Variants in CEACAM21 observed in about 807,000 individuals in gnomAD.
CEACAM21 encodes cell adhesion molecule CEACAM21.
In CEACAM21, 38 loss-of-function variants were observed where a neutral mutation model predicts 33.2. That is an observed-to-expected ratio of 1.14 (90% CI 0.88 to 1.50). The LOEUF is 1.50. Among genes scored for constraint, CEACAM21 ranks in the 40% most tolerant of loss-of-function variants. CEACAM21 has a pLI of 0.00. For missense variants in CEACAM21, 385 were observed against 364.6 expected (o/e 1.06, Z -0.46); for synonymous variants, 156 against 143.0 (o/e 1.09, Z -0.65).
chr19:41,579,724 T>G, intron 3 of CEACAM21, 96 bp downstream of exon 3: 23 of 848,950 alleles, frequency 2.7e-5, no homozygotes, highest in Non-Finnish European at 3.6e-5. Context: ...AAGGATGAGA[T>G]TCCTTCAGAG....
intron 3 of CEACAM21, among the ~76,000 whole-genome samples, chr19:41,582,259 T>C (rs2043453285): frequency 6.6e-6 from 1 of 152,228 alleles, no homozygotes; most frequent in African/African-American, 2.4e-5. Flanking sequence ...CCCATAGCCT[T>C]GGGCTCCACC....
At chr19:41,555,082 C>T (rs2041455193) in intron 1 of CEACAM21, 1 of 152,020 alleles carries the variant, frequency 6.6e-6, no homozygotes, top group African/African-American at 2.4e-5. Context: ...GAACCCTGCC[C>T]TGTCTGCCTA....
intron 1 of CEACAM21, among the ~76,000 whole-genome samples, chr19:41,564,242 T>C (rs2042098090): frequency 6.6e-6 from 1 of 152,144 alleles, no homozygotes; most frequent in Non-Finnish European, 1.5e-5. Flanking sequence ...CACCTCCTGC[T>C]TAAAACCCAA....
rs550640396 is a variant in CEACAM21, at chr19:41,568,250, C to CA, written c.-404+3194_-404+3195insA. On this transcript the variant is annotated intron_variant, in intron 2 of 7. Coordinates refer to the CEACAM21 transcript ENST00000407170. ...TAGGTTGTCTCTTTGCTCTGCTGGCCTTTTTTTTCTTTGCTGTATAAAAGC... is the reference window on the plus strand; with the variant it reads ...TAGGTTGTCTCTTTGCTCTGCTGGCCATTTTTTTTCTTTGCTGTATAAAAGC... 4.2e-3 allele frequency among the ~76,000 whole-genome samples: 635 copies of CA among 151,760 alleles called. 5 individuals are homozygous for CA. Among genetic ancestry groups the CA allele is most frequent in the African/African-American group, 0.01 (426 of 41,382 alleles).
chr19:41,576,221 T>G lies in CEACAM21; in HGVS notation c.-54T>G. 6.2e-7 allele frequency: 1 copy of G among 1,602,452 alleles called. No homozygotes were observed. Among genetic ancestry groups the G allele is most frequent in the South Asian group, 1.1e-5 (1 of 90,840 alleles). ...GTCACAGTAACCCTGTCTAGAGCGT[T>G]CCTGGAGCCCAAGCTCCTCTCCACA... On this transcript the variant is annotated 5_prime_UTR_variant, in exon 1 of 7. Transcript: ENST00000401445.
rs1000141865 is a variant in CEACAM21 at position 41,584,189 on chromosome 19, C to T, written c.701-158C>T. ...TAAGACACAGAAAATGGTGCAACCA[C>T]GGAGAGCAAGGGAGCCAGCTATGAG... On this transcript the variant is annotated intron_variant, in intron 3 of 6. Coordinates refer to ENST00000401445, the MANE Select transcript of CEACAM21 (RefSeq NM_001098506.4). Among the ~76,000 whole-genome samples the T allele has an allele frequency of 1.1e-4, 17 of 152,258 alleles. No homozygotes were observed. In the South Asian group the frequency reaches 1.5e-3, roughly 13 times the overall value.
intron 1 of CEACAM21, among the ~76,000 whole-genome samples, chr19:41,558,633 C>T (rs559782632): frequency 3.5e-4 from 53 of 152,114 alleles, no homozygotes; most frequent in Non-Finnish European, 6.5e-4. Context: ...GGTGACAGAG[C>T]GAGGCTCTGA....
intron 2 of CEACAM21, among the ~76,000 whole-genome samples, chr19:41,569,083 G>C (rs1322071183): frequency 6.6e-6 from 1 of 152,154 alleles, no homozygotes; most frequent in Non-Finnish European, 1.5e-5. Context: ...TTTAGCAGTA[G>C]ATAGCTAAGA....
chr19:41,550,563 G>C (rs1489617882), intron 1 of CEACAM21: 3 of 152,230 alleles, frequency 2.0e-5, no homozygotes, highest in African/African-American at 7.2e-5. Flanking sequence ...CCGAGGTCCG[G>C]AGCTCAAATC....
In CEACAM21 at chr19:41,579,347, CCA is replaced by C. The variant is rs781927166; in HGVS notation, c.425-3_425-2del. ...AGACACTTTCTGTTGGTCACTCTAT[CCA>C]CAGAGTCAGTGGCTCAGCCCTCCAT... is the stretch of plus-strand genomic sequence containing the variant. On this transcript the variant is annotated splice_region_variant and splice_polypyrimidine_tract_variant and intron_variant, in intron 2 of 6. Transcript: ENST00000401445. 1.3e-5 allele frequency: 21 copies of C among 1,613,878 alleles called. No homozygotes were observed. The East Asian group carries it at 4.5e-4, about 34-fold the overall frequency.
At chr19:41,550,159 A>C (rs1480435117) in intron 1 of CEACAM21, 1 of 152,252 alleles carries the variant, frequency 6.6e-6, no homozygotes, top group Admixed American at 6.5e-5. Context: ...CTATGTTGAA[A>C]ACAGGATGCA....
chr19:41,565,976 G>GT (rs1568590598), intron 2 of CEACAM21, among the ~76,000 whole-genome samples: 1 of 140,088 alleles, frequency 7.1e-6, no homozygotes, highest in Non-Finnish European at 1.6e-5. Flanking sequence ...GGCGGGGGGG[G>GT]TGGGGTTCTG....
intron 2 of CEACAM21, among the ~76,000 whole-genome samples, chr19:41,578,704 T>C (rs1359626480): frequency 6.6e-6 from 1 of 152,162 alleles, no homozygotes; most frequent in Non-Finnish European, 1.5e-5. Context: ...GTCTCAACTA[T>C]CAGACTCAAT....
chr19:41,586,058 C>T (rs1325905471), intron 6 of CEACAM21, 187 bp downstream of exon 6: 3 of 639,020 alleles, frequency 4.7e-6, no homozygotes, highest in African/African-American at 3.7e-5. Flanking sequence ...GTGCTAACCC[C>T]ACCCTGGGAC....
chr19:41,585,581 T>G, intron 5 of CEACAM21, 86 bp downstream of exon 5: 1 of 1,399,156 alleles, frequency 7.1e-7, no homozygotes, highest in Non-Finnish European at 1.0e-6. Context: ...CCCAGGGGCC[T>G]CTGACCCTAT....
chr19:41,565,138 A>G (rs2042164907), intron 2 of CEACAM21: 1 of 152,492 alleles, frequency 6.6e-6, no homozygotes. Flanking sequence ...GGGACGATTC[A>G]CTAGAAGGGC....
intron 2 of CEACAM21, among the ~76,000 whole-genome samples, chr19:41,565,221 G>C (rs1458282171): frequency 6.6e-6 from 1 of 152,030 alleles, no homozygotes; most frequent in African/African-American, 2.4e-5. Context: ...CTCAGAGCCC[G>C]CCCCGCCCCG....
chr19:41,575,682 C>T (rs2042892747), upstream of CEACAM21, among the ~76,000 whole-genome samples: 1 of 152,170 alleles, frequency 6.6e-6, no homozygotes, highest in South Asian at 2.1e-4. Flanking sequence ...GCTGGGGATC[C>T]TCCCGAGACC....
At chr19:41,560,907 C>T (rs1308145192) in intron 1 of CEACAM21, among the ~76,000 whole-genome samples, 1 of 152,122 alleles carries the variant, frequency 6.6e-6, no homozygotes, top group Non-Finnish European at 1.5e-5. Flanking sequence ...AGGGTGTTCA[C>T]CATCCCCACT....
Sources: allele counts gnomAD v4.1 joint callset (sites outside exome capture counted in the v4.1 genomes callset), GRCh38; gene constraint gnomAD v4.1.1; transcripts MANE v1.5; gene names NCBI Gene and HGNC (gene_info 2026-07-23, HGNC 2026-07-21).